Variants in ARHGAP42 observed in about 807,000 individuals in gnomAD.
ARHGAP42 encodes the protein Rho GTPase activating protein 42.
A neutral mutation model predicts 125.0 loss-of-function variants in ARHGAP42; 63 were observed. The ratio of observed to expected loss-of-function variants is 0.50; its 90% CI spans 0.41 to 0.62. ARHGAP42 has a LOEUF of 0.62. ARHGAP42 is among the 20% of genes least tolerant of loss of function. The pLI, the probability that ARHGAP42 is intolerant of heterozygous loss-of-function variation, is 0.00. For synonymous variants in ARHGAP42, 339 were observed against 351.0 expected, an observed-to-expected ratio of 0.97 and a Z score of 0.38; for missense variants, 766 against 1,024.2, an observed-to-expected ratio of 0.75 and a Z score of 3.44.
chr11:100,827,328 A>T (rs138874860), intron 3 of ARHGAP42, among the ~76,000 whole-genome samples: 2 of 152,262 alleles, frequency 1.3e-5, no homozygotes, highest in Middle Eastern at 3.4e-3. Context: ...ACATAGAGTG[A>T]TGGGACCTTC....
intron 1 of ARHGAP42, among the ~76,000 whole-genome samples, chr11:100,701,571 T>C (rs1861397350): frequency 6.6e-6 from 1 of 152,224 alleles, no homozygotes; most frequent in Admixed American, 6.5e-5. Flanking sequence ...CTCATTTATA[T>C]TGTAGGGATG....
intron 4 of ARHGAP42, among the ~76,000 whole-genome samples, chr11:100,895,458 AT>A (rs1332940691): frequency 6.8e-6 from 1 of 147,720 alleles, no homozygotes; most frequent in Non-Finnish European, 1.5e-5. Flanking sequence ...TGCAATAATA[AT>A]TTTTTTCCCA....
intron 8 of ARHGAP42, among the ~76,000 whole-genome samples, chr11:100,938,002 G>C (rs1280283253): frequency 6.6e-6 from 1 of 151,054 alleles, no homozygotes; most frequent in Non-Finnish European, 1.5e-5. Flanking sequence ...TAACTTCTCT[G>C]GGTCATTCTA....
chr11:100,869,687 C>A (rs1406011360), intron 4 of ARHGAP42, among the ~76,000 whole-genome samples: 1 of 152,058 alleles, frequency 6.6e-6, no homozygotes, highest in Non-Finnish European at 1.5e-5. Context: ...TTTTTTAATT[C>A]AAATCAATAC....
chr11:100,831,084 G>A (rs1029026324), intron 3 of ARHGAP42, among the ~76,000 whole-genome samples: 1 of 152,078 alleles, frequency 6.6e-6, no homozygotes, highest in Non-Finnish European at 1.5e-5. Context: ...ATTCATATCT[G>A]CTGTGCTGGA....
rs577289369 is a variant in ARHGAP42 at position 100,991,222 on chromosome 11, G to A, written c.*2421G>A. 6.6e-6 allele frequency: 1 copy of A among 152,230 alleles called. No individual in the cohort carries two copies. The highest frequency in any genetic ancestry group is 2.4e-5 in the African/African-American group (1 of 41,546). The allele number at this position is 152,230 out of a possible 1,614,324, so 9.4% of individuals were successfully genotyped here. A position where few individuals can be genotyped will look rare whatever the true frequency, so the allele number is the denominator to read the frequency against. ...AAGTCATGGCCATATACTGGAGACG[G>A]GCTAAAGCTGCTTTTCCCTTAAAGT... On this transcript the variant is annotated 3_prime_UTR_variant, in exon 24 of 24. Coordinates refer to ENST00000298815, the MANE Select transcript of ARHGAP42 (RefSeq NM_152432.4).
chr11:100,910,341 C>T (rs1349507969), intron 4 of ARHGAP42, among the ~76,000 whole-genome samples: 1 of 152,122 alleles, frequency 6.6e-6, no homozygotes, highest in Non-Finnish European at 1.5e-5. Context: ...CCTTCTACCT[C>T]ACTTCTCATC....
At chr11:100,861,150 A>G (rs1865435039) in intron 4 of ARHGAP42, among the ~76,000 whole-genome samples, 2 of 152,212 alleles carry the variant, frequency 1.3e-5, no homozygotes. Flanking sequence ...GTAGAGACCT[A>G]CGTCATGAGG....
chr11:100,848,751 C>T (rs1398616235), intron 3 of ARHGAP42, among the ~76,000 whole-genome samples: 1 of 152,034 alleles, frequency 6.6e-6, no homozygotes, highest in Non-Finnish European at 1.5e-5. Flanking sequence ...AGTGATCTGC[C>T]CACCTTGGCC....
chr11:100,941,838 A>G lies in ARHGAP42; in HGVS notation c.887A>G (p.Lys296Arg). 1.3e-6 allele frequency: 2 copies of G among 1,539,908 alleles called. No homozygotes were observed. Among genetic ancestry groups the G allele is most frequent in the Non-Finnish European group, 1.7e-6 (2 of 1,143,280 alleles). ...KHYCTYDKGS[K>R]TFTMSVSEMK... Reference sequence around the variant, plus strand: ...TATTGTACATATGATAAGGGAAGTAAAACATTTACAATGAGTGTTTCAGAA... The same window carrying G: ...TATTGTACATATGATAAGGGAAGTAGAACATTTACAATGAGTGTTTCAGAA... Residue 296 changes from lysine (K) to arginine (R), a missense_variant, in exon 9 of 24, where the codon AAA (lysine) becomes AGA (arginine). Around this residue, in one of 3 missense-constraint regions of ARHGAP42, gnomAD observed 455 missense variants for 636.5 expected, o/e 0.71. Transcript: ENST00000298815.
chr11:100,933,120 C>T (rs1867631366), intron 6 of ARHGAP42, 36 bp from the exon 7 acceptor site: 1 of 1,378,466 alleles, frequency 7.3e-7, no homozygotes, highest in Non-Finnish European at 1.0e-6. Context: ...CATTAAAACA[C>T]ATTTTCATGG....
At chr11:100,955,795 G>T (rs569680389) in intron 12 of ARHGAP42, among the ~76,000 whole-genome samples, 2 of 65,064 alleles carry the variant, frequency 3.1e-5, no homozygotes, top group Non-Finnish European at 5.9e-5. Flanking sequence ...AAGAGTTCCC[G>T]GGTGTTTTTG....
intron 1 of ARHGAP42, among the ~76,000 whole-genome samples, chr11:100,710,296 C>T (rs992144422): frequency 2.0e-5 from 3 of 152,056 alleles, no homozygotes; most frequent in Non-Finnish European, 2.9e-5. Context: ...GGTATGATCT[C>T]GGCTCACTGT....
At chr11:100,886,091 AGGACTTTATGATT>A (rs1209230004) in intron 4 of ARHGAP42, among the ~76,000 whole-genome samples, 8 of 152,332 alleles carry the variant, frequency 5.3e-5, no homozygotes, top group African/African-American at 1.9e-4. Flanking sequence ...TTAAGTCTTT[AGGACTTTATGATT>A]GGATAACCTT....
intron 3 of ARHGAP42, among the ~76,000 whole-genome samples, chr11:100,825,713 T>C (rs1387700824): frequency 6.6e-6 from 1 of 152,180 alleles, no homozygotes; most frequent in African/African-American, 2.4e-5. Context: ...CTTCAAAGTG[T>C]CACTCCCAGG....
chr11:100,793,551 G>A (rs11224453), intron 2 of ARHGAP42, among the ~76,000 whole-genome samples: 24,684 of 152,138 alleles, frequency 0.16, 2,145 homozygotes, highest in Middle Eastern at 0.22. Flanking sequence ...GCTAGTATAA[G>A]CCTAGTAATT....
At chr11:100,705,376 G>T (rs767548734) in intron 1 of ARHGAP42, among the ~76,000 whole-genome samples, 37 of 152,362 alleles carry the variant, frequency 2.4e-4, no homozygotes, top group Non-Finnish European at 4.3e-4. Context: ...TGGAGTCAGA[G>T]AAATGCTTTT....
chr11:100,965,797 G>A (rs1012550975), intron 17 of ARHGAP42, 21 bp downstream of exon 17: 65 of 1,524,870 alleles, frequency 4.3e-5, no homozygotes, highest in Non-Finnish European at 5.3e-5. Context: ...AACTTACATT[G>A]TTCATTTAAC....
intron 3 of ARHGAP42, among the ~76,000 whole-genome samples, chr11:100,857,071 G>A (rs1376115644): frequency 1.3e-5 from 2 of 151,968 alleles, no homozygotes; most frequent in East Asian, 1.9e-4. Flanking sequence ...AGACCTTAAT[G>A]TAGTATTTGA....
Sources: gnomAD v4.1 joint callset for allele counts (sites outside exome capture counted in the v4.1 genomes callset) on GRCh38, gnomAD v4.1.1 for gene constraint, gnomAD v4.1.1 regional missense constraint, MANE v1.5 for transcripts, NCBI Gene and HGNC (gene_info 2026-07-23, HGNC 2026-07-21) for gene names.